Variants in RNF170 observed in about 807,000 individuals in gnomAD.
The protein encoded by RNF170 is E3 ubiquitin-protein ligase RNF170.
RNF170 carries 12 observed loss-of-function variants against 32.7 expected under a neutral mutation model. The ratio of observed to expected loss-of-function variants is 0.37; its 90% CI spans 0.24 to 0.60. The LOEUF is 0.60. RNF170 is among the 20% of genes least tolerant of loss of function. RNF170 has a pLI of 0.72. For synonymous variants in RNF170, 91 were observed against 103.6 expected (o/e 0.88, Z 0.74); for missense variants, 212 against 311.2 (o/e 0.68, Z 2.40).
chr8:42,886,074 A>C (rs1173074621), intron 2 of RNF170, among the ~76,000 whole-genome samples: 2 of 152,060 alleles, frequency 1.3e-5, no homozygotes, highest in Admixed American at 1.3e-4. Flanking sequence ...AATACAAAAA[A>C]TTAGCCGGGC....
intron 6 of RNF170, among the ~76,000 whole-genome samples, chr8:42,859,153 G>A (rs1042237940): frequency 1.3e-5 from 2 of 151,640 alleles, no homozygotes; most frequent in African/African-American, 2.4e-5. Context: ...CACCGCACTC[G>A]AGCCTGTCTC....
chr8:42,886,850 C>G (rs1805866905), intron 2 of RNF170, among the ~76,000 whole-genome samples: 1 of 152,170 alleles, frequency 6.6e-6, no homozygotes, highest in African/African-American at 2.4e-5. Context: ...TAGCGAGACC[C>G]TGTCTCTAAA....
intron 1 of RNF170, 105 bp downstream of exon 1, chr8:42,896,379 C>T (rs1335536657): frequency 2.3e-6 from 1 of 437,236 alleles, no homozygotes; most frequent in Non-Finnish European, 4.6e-6. Context: ...CCCGCCGCCC[C>T]GCAGAGCCTC....
intron 5 of RNF170, 135 bp downstream of exon 5, chr8:42,865,281 G>T: frequency 1.8e-6 from 1 of 544,482 alleles, no homozygotes; most frequent in Non-Finnish European, 3.3e-6. Flanking sequence ...AATAATATAT[G>T]GTGACATCAA....
At chr8:42,856,635 A>G (rs1388481717) in intron 6 of RNF170, among the ~76,000 whole-genome samples, 1 of 152,236 alleles carries the variant, frequency 6.6e-6, no homozygotes, top group Non-Finnish European at 1.5e-5. Flanking sequence ...CAGATAATTG[A>G]AAGGCAACTA....
At chr8:42,887,222 G>A (rs996702112) in intron 2 of RNF170, among the ~76,000 whole-genome samples, 2 of 152,184 alleles carry the variant, frequency 1.3e-5, no homozygotes, top group African/African-American at 4.8e-5. Flanking sequence ...AACCCCAGAG[G>A]CAGAGGTTGT....
At chr8:42,868,530 G>A (rs1218857143) in intron 4 of RNF170, among the ~76,000 whole-genome samples, 7 of 152,170 alleles carry the variant, frequency 4.6e-5, no homozygotes, top group Admixed American at 1.3e-4. Flanking sequence ...ACTGAGCACA[G>A]GGATTGAAGA....
At chr8:42,851,062 TA>T, downstream of RNF170, 1 of 1,538,652 alleles carries the variant, frequency 6.5e-7, no homozygotes, top group Non-Finnish European at 8.8e-7. Flanking sequence ...CCACTGCACG[TA>T]AATCCAAATC....
At chr8:42,890,070 A>G (rs1806166311) in intron 1 of RNF170, among the ~76,000 whole-genome samples, 1 of 152,132 alleles carries the variant, frequency 6.6e-6, no homozygotes, top group Admixed American at 6.5e-5. Flanking sequence ...ATGCATTGTA[A>G]TTATTCCTAC....
At chr8:42,887,953 C>A (rs1805963031) in intron 1 of RNF170, 82 bp from the exon 2 acceptor site, 1 of 1,278,916 alleles carries the variant, frequency 7.8e-7, no homozygotes, top group Non-Finnish European at 1.1e-6. Flanking sequence ...GTAAATATAA[C>A]TGACTTCTAA....
chr8:42,883,407 A>T (rs989072588), intron 2 of RNF170, among the ~76,000 whole-genome samples: 3 of 152,092 alleles, frequency 2.0e-5, no homozygotes, highest in Admixed American at 2.0e-4. Context: ...TACACACTTA[A>T]AAATGGTCTG....
chr8:42,854,859 C>T lies in RNF170; in HGVS notation c.*1300G>A. The T allele has an allele frequency of 1.6e-6, 2 of 1,287,260 alleles. No homozygotes were observed. The highest frequency in any genetic ancestry group is 2.0e-6 in the Non-Finnish European group (2 of 988,694). 79.7% of individuals were successfully genotyped at this position (1,287,260 alleles called of 1,614,324 possible). On this transcript the variant is annotated 3_prime_UTR_variant, in exon 7 of 7. Transcript: ENST00000527424. Reference sequence around the variant, plus strand: ...ATGTGGTACTGAGTCTTCTCAGATACATTCACTTGTTTGGCTCAAGACATG... The same window carrying T: ...ATGTGGTACTGAGTCTTCTCAGATATATTCACTTGTTTGGCTCAAGACATG...
At chr8:42,851,625 G>A (rs537497373), downstream of RNF170, among the ~76,000 whole-genome samples, 35 of 151,820 alleles carry the variant, frequency 2.3e-4, no homozygotes, top group South Asian at 4.6e-3. Context: ...TATTAACACC[G>A]AATTAAGCTT....
chr8:42,865,226 C>T (rs951078027), intron 5 of RNF170, among the ~76,000 whole-genome samples, 190 bp downstream of exon 5: 8 of 151,088 alleles, frequency 5.3e-5, no homozygotes, highest in Non-Finnish European at 1.0e-4. Flanking sequence ...CACTGCACTG[C>T]AAGACCTTTT....
At chr8:42,897,117 G>A (rs372059901), upstream of RNF170, 61 of 1,242,776 alleles carry the variant, frequency 4.9e-5, no homozygotes, top group South Asian at 4.9e-4. Context: ...GCGCTGCCTG[G>A]CCGCGGCGGG....
intron 1 of RNF170, chr8:42,896,281 C>G (rs1462953354): frequency 5.7e-6 from 2 of 349,152 alleles, no homozygotes; most frequent in Non-Finnish European, 1.1e-5. Flanking sequence ...GTCGGCCCCT[C>G]CACCGTCGCC....
chr8:42,893,551 T>C (rs895365015), intron 1 of RNF170, among the ~76,000 whole-genome samples: 8 of 152,202 alleles, frequency 5.3e-5, no homozygotes, highest in African/African-American at 1.7e-4. Context: ...GCCACTCTTT[T>C]TTGGGGCGGG....
chr8:42,894,836 G>T (rs555673005), intron 1 of RNF170, among the ~76,000 whole-genome samples: 1 of 152,178 alleles, frequency 6.6e-6, no homozygotes, highest in Admixed American at 6.5e-5. Context: ...TTACAGGCGC[G>T]AGACACCGCG....
At chr8:42,871,589 T>TTAAA (rs951129949) in intron 3 of RNF170, among the ~76,000 whole-genome samples, 2 of 151,862 alleles carry the variant, frequency 1.3e-5, no homozygotes, top group Non-Finnish European at 2.9e-5. Flanking sequence ...TTTTTTTTTT[T>TTAAA]GAGACAGAGT....
Sources: allele counts gnomAD v4.1 joint callset (sites outside exome capture counted in the v4.1 genomes callset), GRCh38; gene constraint gnomAD v4.1.1; transcripts MANE v1.5; gene names NCBI Gene and HGNC (gene_info 2026-07-23, HGNC 2026-07-21).